LSAMP: variants seen among roughly 807,000 people sequenced by gnomAD.
LSAMP encodes limbic system associated membrane protein, also known as limbic system-associated membrane protein.
Under a neutral mutation model 38.6 loss-of-function variants are expected in LSAMP, and 7 were observed. The observed-to-expected ratio is 0.18, with a 90% CI of 0.10 to 0.34. The LOEUF (loss-of-function observed/expected upper bound fraction) is 0.34. Ranked by LOEUF, LSAMP falls within the 10% of genes least tolerant of loss-of-function variation. The pLI is 1.00. For missense variants in LSAMP, 313 were observed against 420.0 expected (o/e 0.75, Z 2.23); for synonymous variants, 154 against 166.8 (o/e 0.92, Z 0.59).
chr3:115,813,615 C>T (rs1933913165), intron 6 of LSAMP, among the ~76,000 whole-genome samples: 1 of 152,108 alleles, frequency 6.6e-6, no homozygotes, highest in Non-Finnish European at 1.5e-5. Context: ...ATGACTTACT[C>T]TTTTCATAAC....
At chr3:116,225,954 T>C (rs1441120971) in intron 1 of LSAMP, among the ~76,000 whole-genome samples, 1 of 152,188 alleles carries the variant, frequency 6.6e-6, no homozygotes. Context: ...CACCTTGTAT[T>C]GGCTCTTTTT....
At chr3:116,321,845 A>G (rs114416806) in intron 1 of LSAMP, among the ~76,000 whole-genome samples, 2,774 of 152,262 alleles carry the variant, frequency 0.018, 76 homozygotes, top group African/African-American at 0.062. Context: ...TTTGGTCCCA[A>G]TTATTTTCAA....
At chr3:115,843,512 G>GA (rs1935063700) in intron 4 of LSAMP, among the ~76,000 whole-genome samples, 1 of 152,178 alleles carries the variant, frequency 6.6e-6, no homozygotes, top group African/African-American at 2.4e-5. Context: ...TCCAAAGGTT[G>GA]TTTGCCAGAA....
intron 3 of LSAMP, among the ~76,000 whole-genome samples, chr3:115,968,151 A>ATGGAACCCC (rs1938887844): frequency 6.6e-6 from 1 of 152,058 alleles, no homozygotes. Flanking sequence ...CATGTCCTGG[A>ATGGAACCCC]ATAAGGAACC....
At chr3:116,308,415 GAC>G (rs1434261950) in intron 1 of LSAMP, among the ~76,000 whole-genome samples, 1 of 152,012 alleles carries the variant, frequency 6.6e-6, no homozygotes, top group Non-Finnish European at 1.5e-5. Context: ...TAACAAGTGT[GAC>G]AGACAATAAT....
chr3:116,384,120 C>G (rs556088063), intron 1 of LSAMP, among the ~76,000 whole-genome samples: 2 of 152,094 alleles, frequency 1.3e-5, no homozygotes, highest in Admixed American at 1.3e-4. Context: ...CTCTGCTTGG[C>G]AATGAACAGT....
At chr3:116,092,602 C>CA (rs1302679234) in intron 1 of LSAMP, among the ~76,000 whole-genome samples, 3 of 152,246 alleles carry the variant, frequency 2.0e-5, no homozygotes, top group Non-Finnish European at 2.9e-5. Flanking sequence ...AAAACTGTCA[C>CA]AAAAAATCAA....
intron 1 of LSAMP, among the ~76,000 whole-genome samples, chr3:116,122,921 A>C (rs1361259791): frequency 6.6e-6 from 1 of 152,198 alleles, no homozygotes; most frequent in African/African-American, 2.4e-5. Flanking sequence ...TTAGAAGGTT[A>C]TGTCTAATGG....
At chr3:116,293,132 T>A (rs1358283753) in intron 1 of LSAMP, among the ~76,000 whole-genome samples, 1 of 152,146 alleles carries the variant, frequency 6.6e-6, no homozygotes, top group Non-Finnish European at 1.5e-5. Flanking sequence ...GATAAGAACA[T>A]CTCTTTTGGA....
chr3:116,110,174 G>T (rs1270437760), intron 1 of LSAMP, among the ~76,000 whole-genome samples: 1 of 151,256 alleles, frequency 6.6e-6, no homozygotes, highest in Admixed American at 6.6e-5. Context: ...GTAGAGACAA[G>T]GAGAGAAGGG....
chr3:116,036,795 C>T (rs186421968), intron 2 of LSAMP, among the ~76,000 whole-genome samples: 45 of 152,188 alleles, frequency 3.0e-4, no homozygotes, highest in African/African-American at 4.3e-4. Flanking sequence ...TGAACAGTAC[C>T]AAGTATTTCT....
intron 1 of LSAMP, among the ~76,000 whole-genome samples, chr3:116,178,600 T>C (rs1029135393): frequency 4.6e-5 from 7 of 152,130 alleles, no homozygotes; most frequent in Non-Finnish European, 8.8e-5. Flanking sequence ...CTATGAATGC[T>C]AAGAAGGACT....
At chr3:116,404,019 C>T (rs1231479454) in intron 1 of LSAMP, among the ~76,000 whole-genome samples, 1 of 151,882 alleles carries the variant, frequency 6.6e-6, no homozygotes, top group Middle Eastern at 3.2e-3. Context: ...CAGCCTTGGC[C>T]TCCCAAAGTC....
chr3:116,162,694 CTA>C (rs1008861925), intron 1 of LSAMP, among the ~76,000 whole-genome samples: 1 of 131,488 alleles, frequency 7.6e-6, no homozygotes, highest in Non-Finnish European at 1.7e-5. Flanking sequence ...CTCTCTCTCT[CTA>C]TATATATATA....
At chr3:116,333,523 G>C (rs1576136059) in intron 1 of LSAMP, among the ~76,000 whole-genome samples, 1 of 137,796 alleles carries the variant, frequency 7.3e-6, no homozygotes, top group South Asian at 2.2e-4. Context: ...GACAGAACAA[G>C]GTTCCATCTC....
chr3:115,856,462 A>G (rs1338858822), intron 3 of LSAMP, among the ~76,000 whole-genome samples: 2 of 152,144 alleles, frequency 1.3e-5, no homozygotes, highest in African/African-American at 4.8e-5. Flanking sequence ...TACTAAAAAT[A>G]CAAAAAAATT....
At chr3:116,038,696 G>C (rs967268241) in intron 2 of LSAMP, among the ~76,000 whole-genome samples, 1 of 151,956 alleles carries the variant, frequency 6.6e-6, no homozygotes, top group Non-Finnish European at 1.5e-5. Context: ...TCTTTTAATT[G>C]AAGGCTGTTC....
intron 1 of LSAMP, among the ~76,000 whole-genome samples, chr3:116,294,696 G>C (rs1026502095): frequency 7.2e-5 from 11 of 152,138 alleles, no homozygotes; most frequent in Non-Finnish European, 1.6e-4. Flanking sequence ...ATGTTATGAA[G>C]CTAAAATTAA....
intron 3 of LSAMP, among the ~76,000 whole-genome samples, chr3:115,856,345 T>C (rs571104034): frequency 6.6e-6 from 1 of 152,238 alleles, no homozygotes; most frequent in East Asian, 1.9e-4. Flanking sequence ...AGGCTGGGTA[T>C]GGTGGCTTAC....
Sources: gnomAD v4.1 joint callset for allele counts (sites outside exome capture counted in the v4.1 genomes callset) on GRCh38, gnomAD v4.1.1 for gene constraint, MANE v1.5 for transcripts, NCBI Gene and HGNC (gene_info 2026-07-23, HGNC 2026-07-21) for gene names.